Variants in NRG1 observed in about 807,000 individuals in gnomAD.
NRG1 encodes the protein pro-neuregulin-1, membrane-bound isoform.
NRG1 carries 18 observed loss-of-function variants against 63.8 expected under a neutral mutation model. The ratio of observed to expected loss-of-function variants is 0.28; its 90% confidence interval spans 0.19 to 0.42. The LOEUF (loss-of-function observed/expected upper bound fraction) is 0.42. Among genes scored for constraint, NRG1 ranks in the 10% least tolerant of loss-of-function variants. The pLI, the probability that NRG1 is intolerant of heterozygous loss-of-function variation, is 1.00. For synonymous variants in NRG1, 302 were observed against 301.3 expected (o/e 1.00, Z -0.02); for missense variants, 762 against 814.7 (o/e 0.94, Z 0.79).
chr8:31,712,255 CTTTTT>C (rs57363109), intron 1 of NRG1, among the ~76,000 whole-genome samples: 97 of 72,306 alleles, frequency 1.3e-3, no homozygotes, highest in African/African-American at 5.3e-3. Context: ...TCTTCATGAT[CTTTTT>C]TTTTTTTTTT....
intron 5 of NRG1, among the ~76,000 whole-genome samples, chr8:32,722,353 G>T (rs1820875133): frequency 6.6e-6 from 1 of 152,136 alleles, no homozygotes; most frequent in Non-Finnish European, 1.5e-5. Context: ...TACTGGTTTT[G>T]TCTACTTCAC....
intron 1 of NRG1, among the ~76,000 whole-genome samples, chr8:31,649,285 G>A (rs563887582): frequency 4.6e-5 from 7 of 152,240 alleles, no homozygotes; most frequent in Admixed American, 4.6e-4. Flanking sequence ...GCTTTTTGGA[G>A]GAGCTATCAT....
intron 1 of NRG1, among the ~76,000 whole-genome samples, chr8:32,239,320 C>CA (rs561093846): frequency 0.038 from 4,953 of 131,782 alleles, 142 homozygotes; most frequent in African/African-American, 0.083. Context: ...TATCCAAAGG[C>CA]AAAAAAAAAA....
intron 1 of NRG1, among the ~76,000 whole-genome samples, chr8:32,446,224 C>T (rs917774067): frequency 1.3e-5 from 2 of 152,144 alleles, no homozygotes; most frequent in African/African-American, 2.4e-5. Context: ...GTCACAAGAA[C>T]CTGTCTCTGT....
intron 1 of NRG1, among the ~76,000 whole-genome samples, chr8:32,256,027 C>T (rs1849665289): frequency 6.6e-6 from 1 of 152,132 alleles, no homozygotes; most frequent in Non-Finnish European, 1.5e-5. Context: ...GTATGCTTCG[C>T]AAAGTTCTCA....
At chr8:31,817,946 T>G (rs973655124) in intron 1 of NRG1, among the ~76,000 whole-genome samples, 1 of 152,236 alleles carries the variant, frequency 6.6e-6, no homozygotes, top group Non-Finnish European at 1.5e-5. Context: ...TTTAATCTAC[T>G]TTAGCAGACC....
At chr8:32,076,802 A>G (rs1245102824) in intron 1 of NRG1, among the ~76,000 whole-genome samples, 1 of 152,210 alleles carries the variant, frequency 6.6e-6, no homozygotes, top group Non-Finnish European at 1.5e-5. Context: ...ATTATGACAG[A>G]AAAGTCTATT....
At chr8:31,914,338 C>G (rs1192027962) in intron 1 of NRG1, among the ~76,000 whole-genome samples, 50 of 150,064 alleles carry the variant, frequency 3.3e-4, no homozygotes, top group Admixed American at 3.3e-3. Flanking sequence ...TGTTAAAATC[C>G]TGTGCAGCTT....
chr8:32,522,646 A>AT (rs1830443905), intron 1 of NRG1, among the ~76,000 whole-genome samples: 1 of 151,886 alleles, frequency 6.6e-6, no homozygotes, highest in South Asian at 2.1e-4. Context: ...TGATTCAACA[A>AT]TTTTCTCTTC....
In NRG1 at chr8:32,083,377, G is replaced by C. The variant is rs114252061; in HGVS notation, c.37+443946G>C. On this transcript the variant is annotated intron_variant, in intron 1 of 10. Transcript: ENST00000519301. ...CTCTACTTCGGTTACAAATTTAAAGGCCAAAGAGTTAGAGATTGTGTATAT... is the reference window on the plus strand; with the variant it reads ...CTCTACTTCGGTTACAAATTTAAAGCCCAAAGAGTTAGAGATTGTGTATAT... Among the ~76,000 whole-genome samples the C allele has an allele frequency of 7.2e-5, 11 of 152,304 alleles. No individual in the cohort carries two copies. In the South Asian group the frequency reaches 2.3e-3, roughly 32 times the overall value.
intron 1 of NRG1, among the ~76,000 whole-genome samples, chr8:31,995,200 G>A (rs1007906669): frequency 3.3e-5 from 5 of 151,882 alleles, no homozygotes; most frequent in African/African-American, 1.2e-4. Flanking sequence ...AAATAGCACA[G>A]GAAGAATCTC....
intron 1 of NRG1, among the ~76,000 whole-genome samples, chr8:31,695,359 G>A (rs1471701378): frequency 6.6e-6 from 1 of 152,154 alleles, no homozygotes; most frequent in Non-Finnish European, 1.5e-5. Flanking sequence ...TAGTAAATAC[G>A]GGGTTTTGCC....
intron 1 of NRG1, among the ~76,000 whole-genome samples, chr8:32,388,899 G>A (rs899257483): frequency 6.6e-6 from 1 of 152,168 alleles, no homozygotes; most frequent in Non-Finnish European, 1.5e-5. Context: ...AATGTTAAAT[G>A]TACCCATATG....
chr8:32,605,811 C>T, intron 3 of NRG1, 128 bp downstream of exon 3: 2 of 1,088,800 alleles, frequency 1.8e-6, no homozygotes, highest in Non-Finnish European at 2.6e-6. Context: ...GAAAGAAAAC[C>T]AGATGTTTCA....
intron 11 of NRG1, 23 bp downstream of exon 11, chr8:32,760,429 C>G: frequency 1.9e-6 from 3 of 1,612,162 alleles, no homozygotes; most frequent in Non-Finnish European, 2.5e-6. Context: ...GGCAAAGCTA[C>G]TGCAGAGGAG....
intron 1 of NRG1, among the ~76,000 whole-genome samples, chr8:32,070,840 C>T (rs1825654998): frequency 6.6e-6 from 1 of 152,206 alleles, no homozygotes; most frequent in Admixed American, 6.5e-5. Context: ...CTATCCAAAT[C>T]TGAAGTTGCC....
At chr8:31,958,052 T>TAGATAGAA (rs1554585880) in intron 1 of NRG1, among the ~76,000 whole-genome samples, 1 of 150,774 alleles carries the variant, frequency 6.6e-6, no homozygotes, top group African/African-American at 2.5e-5. Context: ...ACCAGATAGA[T>TAGATAGAA]AGATAGATAG....
intron 1 of NRG1, among the ~76,000 whole-genome samples, chr8:31,912,290 T>C (rs750232228): frequency 6.6e-6 from 1 of 152,170 alleles, no homozygotes; most frequent in African/African-American, 2.4e-5. Flanking sequence ...ATCTTACTTT[T>C]TGGTACAGAT....
chr8:32,054,938 A>C (rs1822658675), intron 1 of NRG1, among the ~76,000 whole-genome samples: 1 of 114,342 alleles, frequency 8.7e-6, no homozygotes, highest in Admixed American at 1.4e-4. Context: ...CCCAGGCTGG[A>C]GTGCAGTGGC....
Sources: gnomAD v4.1 joint callset for allele counts (sites outside exome capture counted in the v4.1 genomes callset) on GRCh38, gnomAD v4.1.1 for gene constraint, MANE v1.5 for transcripts, NCBI Gene and HGNC (gene_info 2026-07-23, HGNC 2026-07-21) for gene names.